Variants in TRPM3 observed in about 807,000 individuals in gnomAD.
TRPM3 encodes transient receptor potential cation channel subfamily M member 3.
Under a neutral mutation model 181.2 loss-of-function variants are expected in TRPM3, and 77 were observed. The observed-to-expected ratio is 0.42, with a 90% CI of 0.35 to 0.51. TRPM3 has a LOEUF of 0.51. Ranked by LOEUF, TRPM3 falls within the 20% of genes least tolerant of loss-of-function variation. TRPM3 has a pLI of 0.01. For missense variants in TRPM3, 1,759 were observed against 2,196.7 expected, an observed-to-expected ratio of 0.80 and a Z score of 3.98; for synonymous variants, 745 against 796.4, an observed-to-expected ratio of 0.94 and a Z score of 1.09.
intron 1 of TRPM3, among the ~76,000 whole-genome samples, chr9:71,230,932 T>C (rs542284718): frequency 3.9e-5 from 6 of 152,272 alleles, no homozygotes; most frequent in African/African-American, 1.2e-4. Flanking sequence ...AAATTTCTCA[T>C]ATCACAGGAA....
intron 1 of TRPM3, among the ~76,000 whole-genome samples, chr9:71,112,749 GC>G (rs1311410537): frequency 6.6e-6 from 1 of 152,128 alleles, no homozygotes; most frequent in Non-Finnish European, 1.5e-5. Flanking sequence ...ACCACAACAT[GC>G]TAAAAGTAAA....
intron 1 of TRPM3, among the ~76,000 whole-genome samples, chr9:71,293,322 A>G (rs2085980451): frequency 6.6e-6 from 1 of 151,884 alleles, no homozygotes; most frequent in Non-Finnish European, 1.5e-5. Flanking sequence ...ATAACACATA[A>G]ATGGCTTGTA....
intron 1 of TRPM3, among the ~76,000 whole-genome samples, chr9:71,294,862 A>G (rs995347207): frequency 5.0e-4 from 76 of 152,296 alleles, no homozygotes; most frequent in African/African-American, 1.8e-3. Flanking sequence ...AAAACAAATC[A>G]CAAAACAATA....
At chr9:71,111,549 G>T (rs996540201) in intron 1 of TRPM3, among the ~76,000 whole-genome samples, 3 of 152,094 alleles carry the variant, frequency 2.0e-5, no homozygotes, top group Admixed American at 1.3e-4. Flanking sequence ...CAAAGCACAG[G>T]ACAGATGTCC....
intron 1 of TRPM3, among the ~76,000 whole-genome samples, chr9:71,396,948 G>A (rs370561396): frequency 2.7e-5 from 4 of 149,728 alleles, no homozygotes; most frequent in South Asian, 2.1e-4. Context: ...CCTGGGCAAC[G>A]GAGCAAGACT....
chr9:71,121,590 G>C lies in TRPM3; in HGVS notation c.-236C>G, dbSNP rs755100711. On this transcript the variant is annotated 5_prime_UTR_variant, in exon 1 of 26. Transcript: ENST00000677713. Reference sequence around the variant, plus strand: ...AGGGACAGCCTGCACAAAACAGCCTGTGGTCGGAGTCAAAGCAGCCTGCTC... The same window carrying C: ...AGGGACAGCCTGCACAAAACAGCCTCTGGTCGGAGTCAAAGCAGCCTGCTC... 2.3e-6 allele frequency: 3 copies of C among 1,294,400 alleles called. No homozygotes were observed. Among genetic ancestry groups the C allele is most frequent in the Non-Finnish European group, 2.9e-6 (3 of 1,021,718 alleles). The allele number at this position is 1,294,400 out of a possible 1,614,324, so 80.2% of individuals were successfully genotyped here.
intron 1 of TRPM3, among the ~76,000 whole-genome samples, chr9:71,110,231 A>G (rs1587288398): frequency 6.6e-6 from 1 of 152,136 alleles, no homozygotes; most frequent in Admixed American, 6.6e-5. Context: ...GGTGGAAAGA[A>G]CCTTAAGGAT....
intron 1 of TRPM3, among the ~76,000 whole-genome samples, chr9:70,898,198 C>G (rs2096312419): frequency 6.6e-6 from 1 of 151,400 alleles, no homozygotes; most frequent in African/African-American, 2.4e-5. Flanking sequence ...TCTCGGCTCA[C>G]TGCAAGCTCC....
chr9:71,281,015 A>C (rs1044998817), intron 1 of TRPM3, among the ~76,000 whole-genome samples: 3 of 152,216 alleles, frequency 2.0e-5, no homozygotes, highest in Non-Finnish European at 4.4e-5. Flanking sequence ...GGCAAAGACC[A>C]CATGTGTCTT....
intron 1 of TRPM3, among the ~76,000 whole-genome samples, chr9:71,226,402 A>T (rs1014604809): frequency 1.3e-5 from 2 of 152,130 alleles, no homozygotes; most frequent in Admixed American, 6.5e-5. Flanking sequence ...TGAATGGATT[A>T]AAAAAAGATG....
At chr9:70,867,299 G>C (rs1000536433) in intron 1 of TRPM3, among the ~76,000 whole-genome samples, 6 of 152,038 alleles carry the variant, frequency 3.9e-5, no homozygotes, top group Non-Finnish European at 2.9e-5. Flanking sequence ...AAGACAAATG[G>C]ATGAGACTTT....
chr9:71,127,718 G>A (rs370822420), intron 1 of TRPM3, among the ~76,000 whole-genome samples: 32 of 152,136 alleles, frequency 2.1e-4, no homozygotes, highest in Non-Finnish European at 1.5e-5. Flanking sequence ...TCTTGTTCAC[G>A]GATACCACTG....
intron 1 of TRPM3, among the ~76,000 whole-genome samples, chr9:71,335,867 G>C (rs1361121497): frequency 6.6e-6 from 1 of 151,926 alleles, no homozygotes; most frequent in African/African-American, 2.4e-5. Flanking sequence ...GATCCTTTTT[G>C]GCATCTGACT....
chr9:70,852,726 C>T (rs905249719), intron 3 of TRPM3, among the ~76,000 whole-genome samples: 3 of 152,156 alleles, frequency 2.0e-5, no homozygotes, highest in African/African-American at 7.2e-5. Context: ...TTGCCCTCAG[C>T]ATCCCCTATA....
At chr9:70,639,905 A>G (rs1244803825) in intron 10 of TRPM3, among the ~76,000 whole-genome samples, 1 of 152,182 alleles carries the variant, frequency 6.6e-6, no homozygotes, top group African/African-American at 2.4e-5. Flanking sequence ...GAGTAAGATA[A>G]GGCTTGCCGG....
intron 1 of TRPM3, among the ~76,000 whole-genome samples, chr9:71,277,228 G>A (rs2084284188): frequency 2.6e-5 from 4 of 152,148 alleles, no homozygotes; most frequent in African/African-American, 4.8e-5. Flanking sequence ...AAAGGAAGAC[G>A]CAACTGAAAT....
At chr9:71,134,550 CAA>C (rs71352343) in intron 1 of TRPM3, among the ~76,000 whole-genome samples, 2 of 120,810 alleles carry the variant, frequency 1.7e-5, no homozygotes. Flanking sequence ...TGCTCCATCT[CAA>C]AAAAAAAAAA....
intron 1 of TRPM3, among the ~76,000 whole-genome samples, chr9:71,260,057 A>G (rs988995784): frequency 6.6e-6 from 1 of 152,142 alleles, no homozygotes; most frequent in Non-Finnish European, 1.5e-5. Context: ...TAATTTTTGT[A>G]TAAAGTGTAA....
chr9:70,607,173 C>G (rs765586142), intron 19 of TRPM3, among the ~76,000 whole-genome samples: 1 of 152,122 alleles, frequency 6.6e-6, no homozygotes, highest in South Asian at 2.1e-4. Context: ...AAACTTGCTA[C>G]GATGCAGAAG....
Sources: gnomAD v4.1 joint callset for allele counts (sites outside exome capture counted in the v4.1 genomes callset) on GRCh38, gnomAD v4.1.1 for gene constraint, MANE v1.5 for transcripts, NCBI Gene and HGNC (gene_info 2026-07-23, HGNC 2026-07-21) for gene names.